Variants in CUX1 observed in about 807,000 individuals in gnomAD.
CUX1 encodes protein CASP.
CUX1 carries 31 observed loss-of-function variants against 158.8 expected under a neutral mutation model. The observed-to-expected ratio is 0.20, with a 90% CI of 0.15 to 0.26. The LOEUF (loss-of-function observed/expected upper bound fraction) is 0.26. CUX1 is among the 10% of genes least tolerant of loss of function. The probability of loss-of-function intolerance (pLI) is 1.00; values close to 1 mark genes in which losing one functional copy is unlikely to be tolerated. For missense variants in CUX1, 1,589 were observed against 2,014.6 expected, an observed-to-expected ratio of 0.79 and a Z score of 4.04; for synonymous variants, 879 against 862.1, an observed-to-expected ratio of 1.02 and a Z score of -0.34.
chr7:102,214,003 C>T (rs894014800), intron 20 of CUX1, among the ~76,000 whole-genome samples: 23 of 152,214 alleles, frequency 1.5e-4, no homozygotes, highest in African/African-American at 5.1e-4. Context: ...GGTGTGGTGG[C>T]GGATGCCTGT....
intron 1 of CUX1, among the ~76,000 whole-genome samples, chr7:101,862,410 C>T (rs1797549882): frequency 6.6e-6 from 1 of 152,080 alleles, no homozygotes; most frequent in African/African-American, 2.4e-5. Flanking sequence ...ACGGTTGACA[C>T]CAGGCCACCA....
At chr7:102,216,641 GCACA>G (rs782017300) in intron 20 of CUX1, among the ~76,000 whole-genome samples, 23 of 28,738 alleles carry the variant, frequency 8.0e-4, no homozygotes, top group Non-Finnish European at 1.3e-3. Context: ...CCCCACACAC[GCACA>G]CACACACACT....
At chr7:101,842,871 T>C (rs1457013790) in intron 1 of CUX1, among the ~76,000 whole-genome samples, 1 of 116,558 alleles carries the variant, frequency 8.6e-6, no homozygotes, top group African/African-American at 3.6e-5. Context: ...AAAATTATTC[T>C]ATTTTTTTTT....
upstream of CUX1, chr7:101,816,906 G>A: frequency 1.0e-6 from 1 of 980,744 alleles, no homozygotes; most frequent in Non-Finnish European, 1.2e-6. Context: ...CCCCGCGTGT[G>A]GCTCCCGGCG....
intron 2 of CUX1, among the ~76,000 whole-genome samples, chr7:101,956,163 A>AT (rs1809762664): frequency 6.7e-6 from 1 of 149,658 alleles, no homozygotes; most frequent in Admixed American, 6.6e-5. Flanking sequence ...AAAAAAAAAA[A>AT]GGAGGCAGCT....
At chr7:101,926,946 G>T (rs1225836990) in intron 2 of CUX1, among the ~76,000 whole-genome samples, 2 of 152,154 alleles carry the variant, frequency 1.3e-5, no homozygotes, top group East Asian at 3.8e-4. Flanking sequence ...GGGATGGAGG[G>T]AGAAGATTCC....
At position 102,248,395 on chromosome 7, in the gene CUX1, CGCTTGTTGTCTT is replaced by C; in HGVS notation, c.3888-15_3888-4del. 1 of 1,577,350 alleles carries C rather than the reference CGCTTGTTGTCTT, an allele frequency of 6.3e-7. No homozygotes were observed. Among genetic ancestry groups the C allele is most frequent in the Non-Finnish European group, 8.6e-7 (1 of 1,167,980 alleles). On this transcript the variant is annotated splice_region_variant and splice_polypyrimidine_tract_variant and intron_variant, in intron 23 of 23. Transcript: ENST00000292535. The surrounding 1 kb of genome is among the most constrained non-coding windows in gnomAD (Gnocchi z 5.8). ...AGCAGCACCCCCCTCACGTCCCCGC[CGCTTGTTGTCTT>C]GTAGGTCTCGGATCCGCAGAGAACT...
chr7:101,843,952 C>A (rs1286517596), intron 1 of CUX1, among the ~76,000 whole-genome samples: 5 of 152,068 alleles, frequency 3.3e-5, no homozygotes. Flanking sequence ...CGGCCATTTG[C>A]AGATTGGAAG....
chr7:102,169,844 C>G (rs1335578773), intron 9 of CUX1, among the ~76,000 whole-genome samples: 1 of 152,176 alleles, frequency 6.6e-6, no homozygotes, highest in Non-Finnish European at 1.5e-5. Context: ...TCTACGTCCT[C>G]GGATTGGCCT....
At chr7:101,921,982 G>T (rs1805000768) in intron 2 of CUX1, among the ~76,000 whole-genome samples, 1 of 152,010 alleles carries the variant, frequency 6.6e-6, no homozygotes, top group Non-Finnish European at 1.5e-5. Context: ...AGCCAGGATG[G>T]TGGTGTACAC....
At chr7:102,204,163 G>A (rs782794228) in intron 18 of CUX1, among the ~76,000 whole-genome samples, 17 of 152,228 alleles carry the variant, frequency 1.1e-4, no homozygotes, top group Admixed American at 6.5e-5. Flanking sequence ...AGCTGTGGCT[G>A]TAACCATGGC....
At chr7:101,882,473 T>G (rs1355316369) in intron 1 of CUX1, among the ~76,000 whole-genome samples, 1 of 152,084 alleles carries the variant, frequency 6.6e-6, no homozygotes, top group Non-Finnish European at 1.5e-5. Context: ...CAGTGTGACT[T>G]AGGTGTAGAA....
intron 2 of CUX1, among the ~76,000 whole-genome samples, chr7:102,002,055 A>G (rs991183930): frequency 1.3e-4 from 20 of 152,216 alleles, no homozygotes; most frequent in African/African-American, 4.8e-4. Context: ...GCACTTTGAG[A>G]GGCTGAGATG....
At chr7:102,207,268 T>C (rs1554521863) in intron 20 of CUX1, among the ~76,000 whole-genome samples, 2 of 152,086 alleles carry the variant, frequency 1.3e-5, no homozygotes, top group Non-Finnish European at 2.9e-5. Flanking sequence ...GCCAGTGGTT[T>C]TTGTGAAGAG....
chr7:101,817,079 G>A (rs1029486631), upstream of CUX1: 174 of 984,658 alleles, frequency 1.8e-4, no homozygotes, highest in Middle Eastern at 5.2e-4. This position sits in a 1 kb window ranked among gnomAD's most constrained non-coding sequence, Gnocchi z 4.1. Flanking sequence ...GGGGCGGCGG[G>A]GGTGCCCCGC....
At chr7:102,280,030 T>C (rs1554548767) in intron 18 of CUX1, 2 of 1,595,842 alleles carry the variant, frequency 1.3e-6, no homozygotes, top group Non-Finnish European at 1.7e-6. Flanking sequence ...CCTCCCTGTC[T>C]GTGCAGGGCA....
intron 10 of CUX1, among the ~76,000 whole-genome samples, chr7:102,174,467 A>G (rs952594059): frequency 1.3e-5 from 2 of 151,996 alleles, no homozygotes; most frequent in Non-Finnish European, 2.9e-5. Context: ...TTTCCTCTCT[A>G]GCTTTTGCCC....
At position 102,250,342 on chromosome 7, in the gene CUX1, G is replaced by A. The variant is rs1801363263; in HGVS notation, c.*1300G>A. 1 of 985,526 alleles carries A rather than the reference G, an allele frequency of 1.0e-6. No individual in the cohort carries two copies. Among genetic ancestry groups the A allele is most frequent in the Non-Finnish European group, 1.2e-6 (1 of 830,002 alleles). 61.0% of individuals were successfully genotyped at this position (985,526 alleles called of 1,614,324 possible). ...ATCCCCAAGTAGATAGCAGTCTACG[G>A]ATCTCTCTCTGGCACAGAAGGCACC... On this transcript the variant is annotated 3_prime_UTR_variant, in exon 24 of 24. Coordinates refer to ENST00000292535, the MANE Select transcript of CUX1 (RefSeq NM_181552.4).
intron 1 of CUX1, among the ~76,000 whole-genome samples, chr7:101,887,124 C>T (rs1314671284): frequency 6.6e-6 from 1 of 152,146 alleles, no homozygotes; most frequent in Non-Finnish European, 1.5e-5. Flanking sequence ...CTGGCAGGGA[C>T]AGTTTTGCAG....
Sources: gnomAD v4.1 joint callset for allele counts (sites outside exome capture counted in the v4.1 genomes callset) on GRCh38, gnomAD v4.1.1 for gene constraint, Gnocchi (gnomAD v3.1) non-coding constraint, MANE v1.5 for transcripts, NCBI Gene and HGNC (gene_info 2026-07-23, HGNC 2026-07-21) for gene names.